ANKRD31: variants seen among roughly 807,000 people sequenced by gnomAD.
The protein encoded by ANKRD31 is ankyrin repeat domain-containing protein 31.
A neutral mutation model predicts 186.0 loss-of-function variants in ANKRD31; 147 were observed. The ratio of observed to expected loss-of-function variants is 0.79; its 90% CI spans 0.69 to 0.91. The LOEUF is 0.91. ANKRD31 is among the 40% of genes least tolerant of loss of function. The pLI, the probability that ANKRD31 is intolerant of heterozygous loss-of-function variation, is 0.00. For synonymous variants in ANKRD31, 673 were observed against 736.4 expected (o/e 0.91, Z 1.39); for missense variants, 1,986 against 2,148.8 (o/e 0.92, Z 1.50).
intron 17 of ANKRD31, among the ~76,000 whole-genome samples, chr5:75,121,982 A>C (rs1336815613): frequency 6.6e-6 from 1 of 152,152 alleles, no homozygotes; most frequent in African/African-American, 2.4e-5. Flanking sequence ...AATGATATGG[A>C]GACCAAACCA....
At chr5:75,199,902 GTAACTATTTGGAAT>G (rs1755704169) in intron 5 of ANKRD31, among the ~76,000 whole-genome samples, 1 of 152,106 alleles carries the variant, frequency 6.6e-6, no homozygotes, top group African/African-American at 2.4e-5. Flanking sequence ...CAAAAAAATT[GTAACTATTTGGAAT>G]TATTTTAGCT....
intron 22 of ANKRD31, among the ~76,000 whole-genome samples, chr5:75,096,261 G>C (rs1274039686): frequency 6.6e-6 from 1 of 152,146 alleles, no homozygotes; most frequent in Non-Finnish European, 1.5e-5. Context: ...TTTCTCTAAT[G>C]ATCAGTGATG....
At chr5:75,114,078 T>C (rs548511918) in intron 19 of ANKRD31, among the ~76,000 whole-genome samples, 1 of 152,342 alleles carries the variant, frequency 6.6e-6, no homozygotes, top group East Asian at 1.9e-4. Context: ...TTTGTGTTTT[T>C]GTCCAACTAA....
At chr5:75,210,328 C>T (rs1368869615) in intron 4 of ANKRD31, among the ~76,000 whole-genome samples, 1 of 152,152 alleles carries the variant, frequency 6.6e-6, no homozygotes, top group African/African-American at 2.4e-5. Flanking sequence ...CGCCCACCAA[C>T]ACGCCCGGCT....
rs1475091765 is a variant in ANKRD31 at position 75,224,135 on chromosome 5, ATATATATATATATATATATATATATG to A, written c.179-1803_179-1778del. Among the ~76,000 whole-genome samples the A allele has an allele frequency of 7.2e-3, 423 of 59,028 alleles. 7 individuals carry two copies. Among genetic ancestry groups the A allele is most frequent in the African/African-American group, 0.053 (387 of 7,254 alleles). 38.7% of individuals were successfully genotyped at this position (59,028 alleles called of 152,430 possible). Reference sequence around the variant, plus strand: ...AGAGATCTCTCAGAAATAATTATATATATATATATATATATATATATATATGTATATATATATATATATACACACAT... The same window carrying A: ...AGAGATCTCTCAGAAATAATTATATATATATATATATATATATACACACAT... On this transcript the variant is annotated intron_variant, in intron 2 of 25. Transcript: ENST00000506364.
chr5:75,178,040 TC>T (rs1753959596), intron 10 of ANKRD31, among the ~76,000 whole-genome samples: 1 of 151,884 alleles, frequency 6.6e-6, no homozygotes, highest in Non-Finnish European at 1.5e-5. Context: ...TGGAGGAAGA[TC>T]TACCAAGCAA....
chr5:75,193,191 A>G (rs1755230785), intron 8 of ANKRD31, 120 bp downstream of exon 8: 1 of 1,186,044 alleles, frequency 8.4e-7, no homozygotes, highest in South Asian at 1.7e-5. Context: ...AAGCAATAAT[A>G]TAAAAAATAA....
At chr5:75,164,791 C>A (rs763731367) in intron 11 of ANKRD31, among the ~76,000 whole-genome samples, 7 of 152,130 alleles carry the variant, frequency 4.6e-5, no homozygotes, top group Non-Finnish European at 1.0e-4. Context: ...TGAAAGAAAC[C>A]AATGCATTCT....
At chr5:75,222,405 C>T in intron 2 of ANKRD31, 47 bp from the exon 3 acceptor site, 2 of 1,364,182 alleles carry the variant, frequency 1.5e-6, no homozygotes, top group Non-Finnish European at 1.0e-6. Flanking sequence ...TTTTATTGCT[C>T]TGCTTTGATA....
intron 12 of ANKRD31, among the ~76,000 whole-genome samples, chr5:75,152,351 CTAAGTTTTGTTCTAT>C (rs1751895814): frequency 6.6e-6 from 1 of 152,018 alleles, no homozygotes; most frequent in South Asian, 2.1e-4. Flanking sequence ...CACCGCCAGC[CTAAGTTTTGTTCTAT>C]TAAGGGAGAA....
At chr5:75,182,866 C>T (rs1201722888) in intron 10 of ANKRD31, among the ~76,000 whole-genome samples, 4 of 152,004 alleles carry the variant, frequency 2.6e-5, no homozygotes, top group Non-Finnish European at 5.9e-5. Flanking sequence ...AAGCCAGTAT[C>T]CTATTTTAAA....
At chr5:75,173,188 C>A (rs183019827) in intron 10 of ANKRD31, among the ~76,000 whole-genome samples, 157 of 152,166 alleles carry the variant, frequency 1.0e-3, no homozygotes, top group African/African-American at 3.7e-3. Flanking sequence ...AATTCAACAG[C>A]CCTTCATGCT....
chr5:75,104,125 C>T lies in ANKRD31; in HGVS notation c.5331+103G>A, dbSNP rs999988510. 10 of 1,024,896 alleles carry T rather than the reference C, an allele frequency of 9.8e-6. No individual in the cohort carries two copies. The African/African-American group carries it at 1.5e-4, about 15-fold the overall frequency. The allele number at this position is 1,024,896 out of a possible 1,614,324, so 63.5% of individuals were successfully genotyped here. A position where few individuals can be genotyped will look rare whatever the true frequency, so the allele number is the denominator to read the frequency against. ...CTCCATTCAGGAAGCTCAGCAAAAC[C>T]CCATTTCCCTAATCAGAGCTAAATG... is the stretch of plus-strand genomic sequence containing the variant. On this transcript the variant is annotated intron_variant, in intron 22 of 25. Transcript: ENST00000506364.
intron 17 of ANKRD31, among the ~76,000 whole-genome samples, chr5:75,121,441 A>T (rs905682382): frequency 2.6e-5 from 4 of 152,140 alleles, no homozygotes; most frequent in African/African-American, 9.7e-5. Flanking sequence ...AGTTAAATTG[A>T]ACTTTAGACC....
At chr5:75,101,762 G>T (rs1435367082) in intron 22 of ANKRD31, among the ~76,000 whole-genome samples, 2 of 152,164 alleles carry the variant, frequency 1.3e-5, no homozygotes, top group African/African-American at 4.8e-5. Flanking sequence ...CTCGTGCCAT[G>T]GTTTTCAGCT....
chr5:75,187,110 T>TGTGTGTGTG (rs1754781261), intron 10 of ANKRD31, among the ~76,000 whole-genome samples: 6 of 116,186 alleles, frequency 5.2e-5, no homozygotes, highest in African/African-American at 2.1e-4. Flanking sequence ...TGATTCTGTT[T>TGTGTGTGTG]TGTGTGTGTG....
At chr5:75,197,202 T>G (rs1755528534) in intron 6 of ANKRD31, among the ~76,000 whole-genome samples, 1 of 152,184 alleles carries the variant, frequency 6.6e-6, no homozygotes, top group Non-Finnish European at 1.5e-5. Flanking sequence ...ATGCCCAGCC[T>G]CACAATGTTT....
chr5:75,203,870 T>A (rs1755983542), intron 5 of ANKRD31, among the ~76,000 whole-genome samples: 1 of 152,122 alleles, frequency 6.6e-6, no homozygotes. Flanking sequence ...CATAACTACA[T>A]CTTGTAAAAA....
chr5:75,132,039 T>TA (rs1749889311), intron 17 of ANKRD31, among the ~76,000 whole-genome samples: 1 of 152,148 alleles, frequency 6.6e-6, no homozygotes, highest in Non-Finnish European at 1.5e-5. Context: ...CAAAGGTAGA[T>TA]AAAACCACAA....
Sources: allele counts gnomAD v4.1 joint callset (sites outside exome capture counted in the v4.1 genomes callset), GRCh38; gene constraint gnomAD v4.1.1; transcripts MANE v1.5; gene names NCBI Gene and HGNC (gene_info 2026-07-23, HGNC 2026-07-21).